The following DLGAP2 variants were observed in gnomAD, a reference collection of about 807,000 sequenced individuals.
The protein encoded by DLGAP2 is disks large-associated protein 2.
DLGAP2 carries 26 observed loss-of-function variants against 100.3 expected under a neutral mutation model. That is an observed-to-expected ratio of 0.26 (90% CI 0.19 to 0.36). The LOEUF is 0.36. Ranked by LOEUF, DLGAP2 falls within the 10% of genes least tolerant of loss-of-function variation. The pLI, the probability that DLGAP2 is intolerant of heterozygous loss-of-function variation, is 1.00. For synonymous variants in DLGAP2, 886 were observed against 630.1 expected, an observed-to-expected ratio of 1.41 and a Z score of -6.08; for missense variants, 1,858 against 1,453.2, an observed-to-expected ratio of 1.28 and a Z score of -4.53.
chr8:980,402 C>G (rs1276601946), intron 2 of DLGAP2, among the ~76,000 whole-genome samples: 1 of 152,208 alleles, frequency 6.6e-6, no homozygotes, highest in South Asian at 2.1e-4. Flanking sequence ...CTTCTAAAAA[C>G]ACAAAGTCAA....
intron 2 of DLGAP2, among the ~76,000 whole-genome samples, chr8:913,097 G>T (rs1007007200): frequency 6.6e-6 from 1 of 152,126 alleles, no homozygotes; most frequent in Non-Finnish European, 1.5e-5. Context: ...TTTTTTTTGT[G>T]ATTTATATTT....
chr8:1,338,482 A>T (rs34363596), intron 3 of DLGAP2, among the ~76,000 whole-genome samples: 1 of 152,048 alleles, frequency 6.6e-6, no homozygotes. Context: ...GTCTGGGGGC[A>T]GGAAGGAAGG....
intron 2 of DLGAP2, among the ~76,000 whole-genome samples, chr8:973,243 C>T (rs1486763235): frequency 5.5e-5 from 8 of 144,652 alleles, no homozygotes; most frequent in East Asian, 4.3e-4. Context: ...GCTGGCCGGG[C>T]GGAGGCTGTC....
At chr8:1,108,116 T>C (rs966993976) in intron 2 of DLGAP2, among the ~76,000 whole-genome samples, 5 of 152,146 alleles carry the variant, frequency 3.3e-5, no homozygotes, top group Non-Finnish European at 5.9e-5. Context: ...TGTGAAAGGA[T>C]GGACTGGACG....
Position 1,384,296 on chromosome 8 carries a change from A to G in DLGAP2, c.107-117070A>G, listed in dbSNP as rs112777176. 6.6e-5 allele frequency among the ~76,000 whole-genome samples: 10 copies of G among 151,764 alleles called. 1 individual carries two copies. In the South Asian group the frequency reaches 8.3e-4, roughly 13 times the overall value. On this transcript the variant is annotated intron_variant, in intron 3 of 14. Coordinates refer to ENST00000637795, the MANE Select transcript of DLGAP2 (RefSeq NM_001346810.2). ...GCTGCACTCTCCTCTGCCGTGGCCT[A>G]TGCCCGGCCCCTGAGAACTTGGTGC... is the stretch of plus-strand genomic sequence containing the variant.
At chr8:1,685,273 G>A (rs151154621) in intron 12 of DLGAP2, among the ~76,000 whole-genome samples, 3 of 152,248 alleles carry the variant, frequency 2.0e-5, no homozygotes, top group Non-Finnish European at 4.4e-5. Flanking sequence ...CATGGCCACA[G>A]AGAACTGTGC....
intron 3 of DLGAP2, among the ~76,000 whole-genome samples, chr8:1,315,179 C>A (rs1376688309): frequency 1.3e-5 from 2 of 152,140 alleles, no homozygotes; most frequent in Non-Finnish European, 2.9e-5. Context: ...TGCGATAATT[C>A]CCAACACTCA....
intron 3 of DLGAP2, among the ~76,000 whole-genome samples, chr8:1,434,625 C>T (rs924836391): frequency 7.9e-5 from 12 of 152,090 alleles, no homozygotes; most frequent in Admixed American, 2.6e-4. Context: ...TACAGGCGTG[C>T]GCCACCACAC....
In DLGAP2 at chr8:1,351,924, C is replaced by T. The variant is rs113972192; in HGVS notation, c.106+93041C>T. Among the ~76,000 whole-genome samples, 15 of 22,580 alleles carry T rather than the reference C, an allele frequency of 6.6e-4. 1 individual carries two copies. Among genetic ancestry groups the T allele is most frequent in the South Asian group, 3.3e-3 (1 of 306 alleles). The allele number at this position is 22,580 out of a possible 152,430, so 14.8% of individuals were successfully genotyped here. A position where few individuals can be genotyped will look rare whatever the true frequency, so the allele number is the denominator to read the frequency against. Reference sequence around the variant, plus strand: ...GTCCTGACTGTGGAAAGGCCGTGCGCGTCCTGACTGTGTGTGGAAAGGCCG... The same window carrying T: ...GTCCTGACTGTGGAAAGGCCGTGCGTGTCCTGACTGTGTGTGGAAAGGCCG... On this transcript the variant is annotated intron_variant, in intron 3 of 14. Transcript: ENST00000637795.
intron 2 of DLGAP2, among the ~76,000 whole-genome samples, chr8:1,126,170 G>C (rs957286566): frequency 1.3e-5 from 2 of 152,190 alleles, no homozygotes; most frequent in African/African-American, 4.8e-5. Context: ...ATGCAGATGG[G>C]CCACCTGCTC....
intron 1 of DLGAP2, among the ~76,000 whole-genome samples, chr8:742,858 A>G (rs1012526379): frequency 6.6e-6 from 1 of 152,150 alleles, no homozygotes; most frequent in Admixed American, 6.5e-5. Flanking sequence ...CTCATCACTA[A>G]GAGTGGGGCC....
intron 2 of DLGAP2, among the ~76,000 whole-genome samples, chr8:1,048,501 C>T (rs999250981): frequency 1.3e-5 from 2 of 151,842 alleles, no homozygotes; most frequent in African/African-American, 4.8e-5. Context: ...GTGGGGTGGG[C>T]CCTGCTATAC....
intron 2 of DLGAP2, among the ~76,000 whole-genome samples, chr8:1,242,544 C>T (rs1798820153): frequency 6.6e-6 from 1 of 152,236 alleles, no homozygotes; most frequent in South Asian, 2.1e-4. Context: ...AGGTACATTT[C>T]CTCAAGGAAG....
rs537045086 is a variant in DLGAP2, at chr8:888,723, G to A, written c.19-19189G>A. On this transcript the variant is annotated intron_variant, in intron 1 of 14. Coordinates refer to ENST00000637795, the MANE Select transcript of DLGAP2 (RefSeq NM_001346810.2). Reference sequence around the variant, plus strand: ...GTGCCTGGAGATGTCACTCAGGGAGGCTGGAGAACAGCCAAGATGGGTGCC... The same window carrying A: ...GTGCCTGGAGATGTCACTCAGGGAGACTGGAGAACAGCCAAGATGGGTGCC... 5.9e-5 allele frequency among the ~76,000 whole-genome samples: 9 copies of A among 152,066 alleles called. No homozygotes were observed. In the South Asian group the frequency reaches 1.9e-3, roughly 32 times the overall value.
intron 2 of DLGAP2, among the ~76,000 whole-genome samples, chr8:1,070,494 G>A (rs138646122): frequency 5.6e-4 from 86 of 152,326 alleles, no homozygotes; most frequent in African/African-American, 2.0e-3. Flanking sequence ...GTGAAAACAC[G>A]TGAAAGTCAA....
At chr8:780,293 C>G (rs1332794207) in intron 1 of DLGAP2, among the ~76,000 whole-genome samples, 1 of 152,184 alleles carries the variant, frequency 6.6e-6, no homozygotes, top group East Asian at 1.9e-4. Flanking sequence ...GTCTTCCAGG[C>G]TCATTCACAT....
chr8:1,677,677 A>G (rs912241515), intron 11 of DLGAP2, among the ~76,000 whole-genome samples: 6 of 152,244 alleles, frequency 3.9e-5, no homozygotes, highest in Non-Finnish European at 5.9e-5. Flanking sequence ...ACATTAAAAT[A>G]TAGACAGTGA....
At chr8:1,174,257 C>A (rs1205446939) in intron 2 of DLGAP2, among the ~76,000 whole-genome samples, 1 of 152,022 alleles carries the variant, frequency 6.6e-6, no homozygotes, top group Non-Finnish European at 1.5e-5. Flanking sequence ...TACCCACATA[C>A]CCATCACCAC....
At chr8:1,673,184 C>G (rs1246556863) in intron 10 of DLGAP2, among the ~76,000 whole-genome samples, 1 of 152,178 alleles carries the variant, frequency 6.6e-6, no homozygotes. Flanking sequence ...ACAGCTCACT[C>G]CAGCCTCAAA....
Sources: allele counts gnomAD v4.1 joint callset (sites outside exome capture counted in the v4.1 genomes callset), GRCh38; gene constraint gnomAD v4.1.1; transcripts MANE v1.5; gene names NCBI Gene and HGNC (gene_info 2026-07-23, HGNC 2026-07-21).